ADGB: variants seen among roughly 807,000 people sequenced by gnomAD.
ADGB encodes the protein androglobin, also known as calpain-7-like protein.
ADGB carries 172 observed loss-of-function variants against 210.5 expected under a neutral mutation model. The observed-to-expected ratio is 0.82, with a 90% CI of 0.72 to 0.93. The LOEUF (loss-of-function observed/expected upper bound fraction) is 0.93, where lower values mean the gene tolerates loss of function less well. ADGB is among the 40% of genes least tolerant of loss of function. ADGB has a pLI of 0.00. For missense variants in ADGB, 2,025 were observed against 1,964.8 expected (o/e 1.03, Z -0.58); for synonymous variants, 658 against 662.7 (o/e 0.99, Z 0.11).
In ADGB at chr6:146,676,431, C is replaced by A; in HGVS notation, c.1206C>A (p.Ser402=). 3.5e-6 allele frequency: 5 copies of A among 1,419,694 alleles called. No homozygotes were observed. The African/African-American group carries it at 5.9e-5, about 17-fold the overall frequency. 87.9% of individuals were successfully genotyped at this position (1,419,694 alleles called of 1,614,324 possible). A position where few individuals can be genotyped will look rare whatever the true frequency, so the allele number is the denominator to read the frequency against. The part of the protein sequence containing the change: ...PSSEVQYSVQ[S]LSDCSSAIQT... ...CAGAAGTGCAGTACTCTGTGCAGTC[C>A]CTATCAGATTGTAAGCTCCTAATTT... The change falls in exon 9 of 36, where the codon TCC becomes TCA. Residue 402 remains serine (S), a synonymous_variant. Coordinates refer to ENST00000397944, the MANE Select transcript of ADGB (RefSeq NM_024694.4).
intron 1 of ADGB, among the ~76,000 whole-genome samples, chr6:146,607,573 G>A (rs1780649947): frequency 6.6e-6 from 1 of 151,920 alleles, no homozygotes; most frequent in Non-Finnish European, 1.5e-5. Context: ...TTCCTTAAAT[G>A]CCTAGTTTGT....
chr6:146,680,611 C>T (rs1021629174), intron 9 of ADGB, among the ~76,000 whole-genome samples: 2 of 152,076 alleles, frequency 1.3e-5, no homozygotes, highest in Non-Finnish European at 2.9e-5. Context: ...TTTGGTAAAA[C>T]TGGAACCTGC....
Position 146,633,141 on chromosome 6 carries a change from C to A in ADGB, c.75-2234C>A, listed in dbSNP as rs181992096. Among the ~76,000 whole-genome samples, 1,026 of 152,148 alleles carry A rather than the reference C, an allele frequency of 6.7e-3. 7 individuals are homozygous for A. The highest frequency in any genetic ancestry group is 0.023 in the African/African-American group (950 of 41,530). ...GCGCACTGCTGCTTTATGCCCCCTGCCTCAATTTTTCTCCGTACCACGGTC... is the reference window on the plus strand; with the variant it reads ...GCGCACTGCTGCTTTATGCCCCCTGACTCAATTTTTCTCCGTACCACGGTC... On this transcript the variant is annotated intron_variant, in intron 1 of 35. Transcript: ENST00000397944.
chr6:146,691,496 A>ATTTTTT (rs1228357224), intron 11 of ADGB, among the ~76,000 whole-genome samples: 5 of 16,492 alleles, frequency 3.0e-4, no homozygotes, highest in Non-Finnish European at 4.6e-4. Flanking sequence ...ATATATATAT[A>ATTTTTT]TATATTTTTT....
chr6:146,611,439 G>A (rs1034339913), intron 1 of ADGB, among the ~76,000 whole-genome samples: 10 of 152,054 alleles, frequency 6.6e-5, no homozygotes, highest in African/African-American at 2.4e-4. Flanking sequence ...CTGAAGTCCT[G>A]TCCTTGCTGC....
At chr6:146,796,807 C>G (rs1176678850) in intron 33 of ADGB, among the ~76,000 whole-genome samples, 1 of 151,906 alleles carries the variant, frequency 6.6e-6, no homozygotes, top group Non-Finnish European at 1.5e-5. Context: ...ATTTCATGAC[C>G]AAGAACCCAA....
intron 4 of ADGB, 120 bp downstream of exon 4, chr6:146,654,326 A>C: frequency 2.4e-6 from 1 of 421,804 alleles, no homozygotes; most frequent in Non-Finnish European, 4.3e-6. Flanking sequence ...GGTATTATAT[A>C]TATATATATA....
intron 3 of ADGB, among the ~76,000 whole-genome samples, chr6:146,645,463 T>C (rs1187109468): frequency 6.6e-6 from 1 of 152,046 alleles, no homozygotes. Context: ...TATATGTTAG[T>C]TTGAATATAT....
intron 35 of ADGB, chr6:146,803,299 A>G (rs1778159826): frequency 5.0e-6 from 8 of 1,606,526 alleles, no homozygotes; most frequent in East Asian, 4.5e-5. Flanking sequence ...TATTTTGATG[A>G]TGGGCTTTCT....
chr6:146,652,834 T>G (rs1775721903), intron 3 of ADGB, among the ~76,000 whole-genome samples: 1 of 152,160 alleles, frequency 6.6e-6, no homozygotes, highest in South Asian at 2.1e-4. Context: ...ATATTTTCCC[T>G]CCTATCAGAC....
Position 146,664,258 on chromosome 6 carries a change from C to A in ADGB, c.670C>A (p.Leu224Ile). 1 of 1,549,706 alleles carries A rather than the reference C, an allele frequency of 6.5e-7. No individual in the cohort carries two copies. Among genetic ancestry groups the A allele is most frequent in the Non-Finnish European group, 8.7e-7 (1 of 1,145,892 alleles). ...TTTGCCTTTTGATGAAGATAACAAT[C>A]TATTGCTTCCAGCTACAACTTATGA... ...DFLPFDEDNN[L>I]LLPATTYEFE... The change falls in exon 6 of 36, where the codon CTA becomes ATA. Residue 224 changes from leucine to isoleucine, a missense_variant. Leu to Ile is a conservative substitution (Grantham distance 5). Coordinates refer to ENST00000397944, the MANE Select transcript of ADGB (RefSeq NM_024694.4).
chr6:146,786,595 T>C (rs908269948), intron 32 of ADGB, among the ~76,000 whole-genome samples: 7 of 152,186 alleles, frequency 4.6e-5, no homozygotes, highest in African/African-American at 1.2e-4. Flanking sequence ...CTATGAGGTA[T>C]GTATTACTTA....
At chr6:146,632,331 C>G (rs1023089584) in intron 1 of ADGB, among the ~76,000 whole-genome samples, 1 of 152,162 alleles carries the variant, frequency 6.6e-6, no homozygotes, top group Non-Finnish European at 1.5e-5. Flanking sequence ...TCTTCAGCAG[C>G]CACTTTTCCC....
chr6:146,765,145 G>T (rs771757830), intron 28 of ADGB, among the ~76,000 whole-genome samples: 3 of 151,896 alleles, frequency 2.0e-5, no homozygotes, highest in African/African-American at 7.3e-5. Flanking sequence ...AAAATAAAAG[G>T]TAGAATAAAT....
chr6:146,790,645 G>A (rs1777941494), intron 33 of ADGB, among the ~76,000 whole-genome samples: 1 of 152,102 alleles, frequency 6.6e-6, no homozygotes, highest in Non-Finnish European at 1.5e-5. Flanking sequence ...ATAACGTAAT[G>A]CACATACAAG....
intron 3 of ADGB, among the ~76,000 whole-genome samples, chr6:146,649,064 A>AT (rs1775660522): frequency 6.6e-6 from 1 of 151,534 alleles, no homozygotes; most frequent in Non-Finnish European, 1.5e-5. Context: ...CATTTATCTC[A>AT]TTTTTATGTA....
intron 28 of ADGB, among the ~76,000 whole-genome samples, chr6:146,765,629 G>A (rs1777562053): frequency 6.6e-6 from 1 of 150,798 alleles, no homozygotes; most frequent in South Asian, 2.1e-4. Flanking sequence ...TAATTCTTTA[G>A]TTTAAAAGAA....
chr6:146,677,864 C>T (rs1424035114), intron 9 of ADGB, among the ~76,000 whole-genome samples: 1 of 152,116 alleles, frequency 6.6e-6, no homozygotes, highest in African/African-American at 2.4e-5. Context: ...TGGTGAGGGT[C>T]CTTGTGAGAA....
At chr6:146,711,723 C>A (rs1306061539) in intron 13 of ADGB, among the ~76,000 whole-genome samples, 1 of 152,000 alleles carries the variant, frequency 6.6e-6, no homozygotes, top group Non-Finnish European at 1.5e-5. Flanking sequence ...TTAAGCATTG[C>A]TCTTGATTTA....
Sources: allele counts gnomAD v4.1 joint callset (sites outside exome capture counted in the v4.1 genomes callset), GRCh38; gene constraint gnomAD v4.1.1; transcripts MANE v1.5; gene names NCBI Gene and HGNC (gene_info 2026-07-23, HGNC 2026-07-21).